Variants in CCDC171 observed in about 807,000 individuals in gnomAD.
CCDC171 encodes the protein coiled-coil domain containing 171.
Under a neutral mutation model 168.2 loss-of-function variants are expected in CCDC171, and 177 were observed. The observed-to-expected ratio is 1.05, with a 90% CI of 0.93 to 1.19. The LOEUF (loss-of-function observed/expected upper bound fraction) is 1.19. Ranked by LOEUF, CCDC171 falls within the 50% of genes most tolerant of loss-of-function variation. CCDC171 has a pLI of 0.00. For synonymous variants in CCDC171, 687 were observed against 540.8 expected (o/e 1.27, Z -3.75); for missense variants, 1,991 against 1,539.0 (o/e 1.29, Z -4.91).
At chr9:15,616,247 C>T (rs2044075549) in intron 6 of CCDC171, among the ~76,000 whole-genome samples, 2 of 151,862 alleles carry the variant, frequency 1.3e-5, no homozygotes, top group South Asian at 2.1e-4. Context: ...CCACCACGCC[C>T]AGCCATTTCT....
chr9:15,968,429 G>A (rs552445786), intron 25 of CCDC171, among the ~76,000 whole-genome samples: 39 of 151,722 alleles, frequency 2.6e-4, no homozygotes, highest in Admixed American at 7.2e-4. Context: ...AAAGTGTTAC[G>A]TATTTCTGGA....
intron 3 of CCDC171, among the ~76,000 whole-genome samples, chr9:16,011,480 A>AT (rs1346219779): frequency 1.3e-5 from 2 of 152,104 alleles, no homozygotes; most frequent in Admixed American, 1.3e-4. Context: ...ATTATTCACA[A>AT]TTTTTTTGAA....
chr9:15,756,698 T>G (rs143068797), intron 18 of CCDC171, among the ~76,000 whole-genome samples: 6 of 152,332 alleles, frequency 3.9e-5, no homozygotes, highest in Non-Finnish European at 8.8e-5. Flanking sequence ...TGGCTCTATG[T>G]CCCCACCCAA....
rs111838802 is a variant in CCDC171, at chr9:15,661,258, C to T, written c.915+4039C>T. ...TTGCACCACTGAAATCCAGCCTGGG[C>T]GACAGAGCGAGACTCCGTCTCAAAA... is the stretch of plus-strand genomic sequence containing the variant. On this transcript the variant is annotated intron_variant, in intron 8 of 25. Transcript: ENST00000380701. Among the ~76,000 whole-genome samples the T allele has an allele frequency of 6.8e-3, 949 of 139,030 alleles. 11 individuals are homozygous for T. The highest frequency in any genetic ancestry group is 0.025 in the African/African-American group (885 of 35,520). The allele number at this position is 139,030 out of a possible 152,430, so 91.2% of individuals were successfully genotyped here.
At chr9:15,661,586 C>T (rs562218476) in intron 8 of CCDC171, among the ~76,000 whole-genome samples, 9 of 152,262 alleles carry the variant, frequency 5.9e-5, no homozygotes, top group Non-Finnish European at 1.2e-4. Flanking sequence ...TACTACCTTT[C>T]GGTTTCAGAG....
chr9:15,623,465 G>GCA (rs1554714768), intron 7 of CCDC171, 52 bp downstream of exon 7: 5 of 552,336 alleles, frequency 9.1e-6, no homozygotes, highest in African/African-American at 4.5e-5. Context: ...TTTCACATAT[G>GCA]CGCGCGCGCG....
intron 1 of CCDC171, among the ~76,000 whole-genome samples, chr9:15,560,576 A>G (rs975661666): frequency 1.3e-5 from 2 of 152,120 alleles, no homozygotes; most frequent in Admixed American, 6.5e-5. Context: ...TTTCAGCTCC[A>G]TCAGGTCATT....
At chr9:15,985,914 A>G (rs1372363052) in intron 3 of CCDC171, among the ~76,000 whole-genome samples, 1 of 152,242 alleles carries the variant, frequency 6.6e-6, no homozygotes, top group Non-Finnish European at 1.5e-5. Context: ...GAAGTCAGAT[A>G]GACTGGTTAA....
At chr9:15,699,680 T>C (rs531719963) in intron 11 of CCDC171, among the ~76,000 whole-genome samples, 3 of 152,088 alleles carry the variant, frequency 2.0e-5, no homozygotes, top group Non-Finnish European at 4.4e-5. Context: ...TCACAAACAC[T>C]GAGCTAGACA....
At chr9:15,831,175 T>C (rs1010019828) in intron 21 of CCDC171, among the ~76,000 whole-genome samples, 3 of 151,928 alleles carry the variant, frequency 2.0e-5, no homozygotes, top group Non-Finnish European at 4.4e-5. Context: ...AGTTTCACCA[T>C]GTTAGCCAGG....
intron 6 of CCDC171, among the ~76,000 whole-genome samples, chr9:15,602,647 C>CTTTTTTTTTTTTTTTTTTTTTTTTTTT (rs1161286304): frequency 6.6e-5 from 2 of 30,456 alleles, no homozygotes; most frequent in Admixed American, 5.3e-4. Flanking sequence ...TTTTTTTTTT[C>CTTTTTTTTTTTTTTTTTTTTTTTTTTT]TTTTTTTTTT....
chr9:16,086,162 C>T, the CCDC171 span, among the ~76,000 whole-genome samples: 1 of 152,112 alleles, frequency 6.6e-6, no homozygotes, highest in African/African-American at 2.4e-5. Flanking sequence ...GATTCGACTT[C>T]TTCCTGGTTT....
At chr9:15,686,746 A>G (rs2050422808) in intron 10 of CCDC171, among the ~76,000 whole-genome samples, 2 of 152,172 alleles carry the variant, frequency 1.3e-5, no homozygotes, top group African/African-American at 4.8e-5. Context: ...CTAACAACAG[A>G]CCTCCAAACT....
intron 6 of CCDC171, among the ~76,000 whole-genome samples, chr9:15,618,688 C>T (rs1206613148): frequency 2.6e-5 from 4 of 152,154 alleles, no homozygotes; most frequent in Non-Finnish European, 5.9e-5. Context: ...TTGCAAAAAT[C>T]CATGGGAAAA....
chr9:16,064,353 GA>G (rs1833968853), downstream of CCDC171, among the ~76,000 whole-genome samples: 1 of 152,200 alleles, frequency 6.6e-6, no homozygotes, highest in South Asian at 2.1e-4. Flanking sequence ...CAGCTCGGTA[GA>G]CAGTGTGTCT....
intron 24 of CCDC171, among the ~76,000 whole-genome samples, chr9:15,910,682 G>A (rs1031699447): frequency 1.3e-5 from 2 of 152,052 alleles, no homozygotes; most frequent in African/African-American, 4.8e-5. Flanking sequence ...TTCTCCTAAT[G>A]CTATCCCTCC....
intron 3 of CCDC171, among the ~76,000 whole-genome samples, chr9:15,578,195 A>AT (rs1302628993): frequency 6.7e-6 from 1 of 150,182 alleles, no homozygotes; most frequent in East Asian, 1.9e-4. Flanking sequence ...TGTATCATGC[A>AT]TTTTTTTGTT....
chr9:15,821,587 C>G (rs1421117186), intron 21 of CCDC171, among the ~76,000 whole-genome samples: 1 of 116,722 alleles, frequency 8.6e-6, no homozygotes, highest in East Asian at 2.1e-4. Context: ...TTCACAATTG[C>G]TTCAAAGAGA....
intron 4 of CCDC171, among the ~76,000 whole-genome samples, chr9:15,582,728 A>C (rs1261687072): frequency 6.6e-6 from 1 of 152,020 alleles, no homozygotes; most frequent in East Asian, 1.9e-4. Flanking sequence ...TGGGAGTTGA[A>C]CAGTGAGAAC....
Sources: allele counts gnomAD v4.1 joint callset (sites outside exome capture counted in the v4.1 genomes callset), GRCh38; gene constraint gnomAD v4.1.1; transcripts MANE v1.5; gene names NCBI Gene and HGNC (gene_info 2026-07-23, HGNC 2026-07-21).